The following ZNF527 variants were observed in gnomAD, a reference collection of about 807,000 sequenced individuals.
ZNF527 encodes zinc finger protein 527.
A neutral mutation model predicts 13.5 loss-of-function variants in ZNF527; 5 were observed. The ratio of observed to expected loss-of-function variants is 0.37; its 90% confidence interval spans 0.19 to 0.78. The LOEUF is 0.78. Among genes scored for constraint, ZNF527 ranks in the 30% least tolerant of loss-of-function variants. ZNF527 has a pLI of 0.48. For missense variants in ZNF527, 628 were observed against 726.4 expected (o/e 0.86, Z 1.56); for synonymous variants, 209 against 243.1 (o/e 0.86, Z 1.30).
At chr19:37,386,060 G>A (rs749589959) in intron 4 of ZNF527, among the ~76,000 whole-genome samples, 4 of 145,486 alleles carry the variant, frequency 2.7e-5, no homozygotes, top group South Asian at 2.2e-4. Flanking sequence ...TTGTTTCCTC[G>A]TTTACCATAA....
chr19:37,387,758 A>G (rs2146822801), intron 4 of ZNF527, among the ~76,000 whole-genome samples: 1 of 152,346 alleles, frequency 6.6e-6, no homozygotes, highest in East Asian at 1.9e-4. Flanking sequence ...CTGGACCCTG[A>G]TAAAAATCTT....
Position 37,388,811 on chromosome 19 carries a change from C to CT in ZNF527, c.764dup (p.Leu255PhefsTer24), listed in dbSNP as rs1568698098. The CT allele has an allele frequency of 6.2e-7, 1 of 1,613,228 alleles. No homozygotes were observed. The highest frequency in any genetic ancestry group is 8.5e-7 in the Non-Finnish European group (1 of 1,179,838). ...ATGAAAGTCATGATTTTTCAAAGCTCTTAAGTTTCCACTCATTATTTACTC... is the reference window on the plus strand; with the variant it reads ...ATGAAAGTCATGATTTTTCAAAGCTCTTTAAGTTTCCACTCATTATTTACTC... On this transcript the variant is annotated frameshift_variant, in exon 5 of 5. Transcript: ENST00000436120. LOFTEE classifies it low-confidence loss of function (END_TRUNC).
chr19:37,388,614 C>CA lies in ZNF527; in HGVS notation c.567dup (p.Val190SerfsTer3). The CA allele has an allele frequency of 6.2e-7, 1 of 1,613,904 alleles. No homozygotes were observed. The highest frequency in any genetic ancestry group is 1.1e-5 in the South Asian group (1 of 91,064). On this transcript the variant is annotated frameshift_variant, in exon 5 of 5. Transcript: ENST00000436120. LOFTEE classifies it low-confidence loss of function (END_TRUNC). Reference sequence around the variant, plus strand: ...ACAACAGAAAGTTCCTACCATACAGCAAGTACATAAATTTGATATTTATGA... The same window carrying CA: ...ACAACAGAAAGTTCCTACCATACAGCAAAGTACATAAATTTGATATTTATGA...
chr19:37,375,302 CTTTCTTTCTTTT>C (rs1222844182), intron 2 of ZNF527, among the ~76,000 whole-genome samples: 96 of 104,570 alleles, frequency 9.2e-4, no homozygotes, highest in African/African-American at 1.5e-3. Flanking sequence ...TTCTTTCTTT[CTTTCTTTCTTTT>C]CTTTCTTTCT....
Position 37,390,012 on chromosome 19 carries a change from G to A in ZNF527, c.*133G>A. 1 of 1,174,330 alleles carries A rather than the reference G, an allele frequency of 8.5e-7. No individual in the cohort carries two copies. The highest frequency in any genetic ancestry group is 1.6e-5 in the African/African-American group (1 of 64,012). 72.7% of individuals were successfully genotyped at this position (1,174,330 alleles called of 1,614,324 possible). A position where few individuals can be genotyped will look rare whatever the true frequency, so the allele number is the denominator to read the frequency against. The stretch of plus-strand genomic sequence containing the variant: ...TCATGAGTATCCGTTATTTGAAGTA[G>A]CTCAGTAGTAGACATCTGTTACTTT... On this transcript the variant is annotated 3_prime_UTR_variant, in exon 5 of 5. Coordinates refer to ENST00000436120, the MANE Select transcript of ZNF527 (RefSeq NM_032453.2).
At position 37,389,692 on chromosome 19, in the gene ZNF527, A is replaced by G. The variant is rs1302446670; in HGVS notation, c.1643A>G (p.His548Arg). The G allele has an allele frequency of 2.5e-6, 4 of 1,614,128 alleles. No homozygotes were observed. The highest frequency in any genetic ancestry group is 1.1e-5 in the South Asian group (1 of 91,084). Residue 548 changes from histidine to arginine, a missense_variant, in exon 5 of 5, where the codon CAT (histidine) becomes CGT (arginine). His to Arg is a conservative substitution (Grantham distance 29, BLOSUM62 0). Coordinates refer to ENST00000436120, the MANE Select transcript of ZNF527 (RefSeq NM_032453.2). ...TATCTTAATCAACATCAAAGAATTC[A>G]TACTGGAGAGAAACCCTATGAATGT... ...GSYLNQHQRIHTGEKPYECSE... is the reference protein window; with the variant it reads ...GSYLNQHQRIRTGEKPYECSE...
intron 4 of ZNF527, among the ~76,000 whole-genome samples, chr19:37,384,009 G>T (rs2040676508): frequency 6.6e-6 from 1 of 151,714 alleles, no homozygotes; most frequent in Non-Finnish European, 1.5e-5. Context: ...ATATTTTCTG[G>T]GTTTTATAGT....
intron 1 of ZNF527, among the ~76,000 whole-genome samples, 199 bp from the exon 2 acceptor site, chr19:37,373,959 A>G (rs1386408021): frequency 2.6e-5 from 4 of 152,148 alleles, no homozygotes; most frequent in African/African-American, 9.7e-5. Context: ...AGTTCAGGCT[A>G]TGCGTCCTTA....
chr19:37,388,942 G>A lies in ZNF527; in HGVS notation c.893G>A (p.Gly298Glu), dbSNP rs761442584. 6.3e-7 allele frequency: 1 copy of A among 1,594,064 alleles called. No individual in the cohort carries two copies. ...ACTCAACCTCAGAGAATTCACAGTG[G>A]AGAAAAACCATATGCATGCAATGAC... ...FFTQPQRIHS[G>E]EKPYACNDCG... Residue 298 changes from glycine (G) to glutamate (E), a missense_variant, in exon 5 of 5, where the codon GGA becomes GAA. Transcript: ENST00000436120.
Position 37,384,766 on chromosome 19 carries a change from G to A in ZNF527, c.257-3540G>A, listed in dbSNP as rs971340064. On this transcript the variant is annotated intron_variant, in intron 4 of 4. Coordinates refer to ENST00000436120, the MANE Select transcript of ZNF527 (RefSeq NM_032453.2). Reference sequence around the variant, plus strand: ...ATGCTGTTATGGTTTTAATTTACTAGTGATATTATTGAGCATCTTTCCAGG... The same window carrying A: ...ATGCTGTTATGGTTTTAATTTACTAATGATATTATTGAGCATCTTTCCAGG... 7.6e-6 allele frequency: 4 copies of A among 522,918 alleles called. No homozygotes were observed. The East Asian group carries it at 8.9e-5, about 12-fold the overall frequency. The allele number at this position is 522,918 out of a possible 1,614,324, so 32.4% of individuals were successfully genotyped here.
chr19:37,380,129 C>T, intron 3 of ZNF527, 148 bp from the exon 4 acceptor site: 1 of 1,400,758 alleles, frequency 7.1e-7, no homozygotes, highest in Non-Finnish European at 9.3e-7. Context: ...ATACAAGCGT[C>T]ATTCCATTCT....
rs1467657695 is a variant in ZNF527 at position 37,388,878 on chromosome 19, G to A, written c.829G>A (p.Asp277Asn). 6.8e-6 allele frequency: 11 copies of A among 1,614,026 alleles called. No homozygotes were observed. The highest frequency in any genetic ancestry group is 4.5e-5 in the East Asian group (2 of 44,888). Residue 277 changes from aspartate (D) to asparagine (N), a missense_variant, in exon 5 of 5, where the codon GAT becomes AAT. By Grantham distance (23) the Asp-to-Asn change is conservative. Coordinates refer to ENST00000436120, the MANE Select transcript of ZNF527 (RefSeq NM_032453.2). ...TTTTGGAAAATTACCCCATGGATAC[G>A]ATGAATGTGGTGATGCCTTTAGCTG... ...THFGKLPHGY[D>N]ECGDAFSCYS...
chr19:37,374,240 GCTCTTTCA>G lies in ZNF527; in HGVS notation c.33+12_33+19del. The G allele has an allele frequency of 1.2e-6, 2 of 1,613,988 alleles. No individual in the cohort carries two copies. Among genetic ancestry groups the G allele is most frequent in the Non-Finnish European group, 1.7e-6 (2 of 1,179,924 alleles). ...GTAAAGCCATGTCCCAGGTAAGCATGCTCTTTCACTTTGTTTTCAGACATTTGACCTCA... is the reference window on the plus strand; with the variant it reads ...GTAAAGCCATGTCCCAGGTAAGCATGCTTTGTTTTCAGACATTTGACCTCA... On this transcript the variant is annotated intron_variant, in intron 2 of 4. Coordinates refer to ENST00000436120, the MANE Select transcript of ZNF527 (RefSeq NM_032453.2).
intron 4 of ZNF527, chr19:37,385,379 TGTAA>T (rs1426490157): frequency 2.5e-6 from 1 of 399,488 alleles, no homozygotes; most frequent in African/African-American, 2.1e-5. Flanking sequence ...TTTTTAATGC[TGTAA>T]GTGTGTTTCT....
chr19:37,390,636 AAC>A lies in ZNF527; in HGVS notation c.*759_*760del, dbSNP rs2040744770. 1 of 152,204 alleles carries A rather than the reference AAC, an allele frequency of 6.6e-6. No homozygotes were observed. The highest frequency in any genetic ancestry group is 6.5e-5 in the Admixed American group (1 of 15,278). The allele number at this position is 152,204 out of a possible 1,614,324, so 9.4% of individuals were successfully genotyped here. ...GGAAAGCTTTCCCAAAGAGAAATCTAACAGAGGAAAATGGAGATGAGAGACAG... is the reference window on the plus strand; with the variant it reads ...GGAAAGCTTTCCCAAAGAGAAATCTAAGAGGAAAATGGAGATGAGAGACAG... On this transcript the variant is annotated 3_prime_UTR_variant, in exon 5 of 5. Coordinates refer to ENST00000436120, the MANE Select transcript of ZNF527 (RefSeq NM_032453.2).
In ZNF527 at chr19:37,390,033, AC is replaced by A; in HGVS notation, c.*155del. On this transcript the variant is annotated 3_prime_UTR_variant, in exon 5 of 5. Coordinates refer to ENST00000436120, the MANE Select transcript of ZNF527 (RefSeq NM_032453.2). ...AGTAGCTCAGTAGTAGACATCTGTT[AC>A]TTTTTTTTTTTTCAGACAGAGTCTC... The A allele has an allele frequency of 1.1e-6, 1 of 912,212 alleles. No individual in the cohort carries two copies. Among genetic ancestry groups the A allele is most frequent in the Non-Finnish European group, 1.5e-6 (1 of 665,766 alleles). 56.5% of individuals were successfully genotyped at this position (912,212 alleles called of 1,614,324 possible).
intron 2 of ZNF527, among the ~76,000 whole-genome samples, chr19:37,375,542 A>G (rs1362989754): frequency 6.6e-6 from 1 of 151,176 alleles, no homozygotes; most frequent in East Asian, 1.9e-4. Flanking sequence ...TTGTATTTTT[A>G]GTAGAGATGG....
At position 37,386,140 on chromosome 19, in the gene ZNF527, CTTTTTT is replaced by C. The variant is rs1050024983; in HGVS notation, c.257-2149_257-2144del. ...TAGAACTTTCTTTTCTCTTCTTTTC[CTTTTTT>C]TTTTTTTTTTTTTTTTGAGACAGTC... On this transcript the variant is annotated intron_variant, in intron 4 of 4. Transcript: ENST00000436120. 1.5e-4 allele frequency among the ~76,000 whole-genome samples: 11 copies of C among 72,464 alleles called. No homozygotes were observed. In the East Asian group the frequency reaches 2.2e-3, roughly 15 times the overall value. 47.5% of individuals were successfully genotyped at this position (72,464 alleles called of 152,430 possible).
At chr19:37,376,392 G>A (rs1166933617) in intron 2 of ZNF527, among the ~76,000 whole-genome samples, 1 of 151,896 alleles carries the variant, frequency 6.6e-6, no homozygotes, top group Admixed American at 6.6e-5. Context: ...AAAAGGCTAG[G>A]TGCAGTGGCT....
Sources: gnomAD v4.1 joint callset for allele counts (sites outside exome capture counted in the v4.1 genomes callset) on GRCh38, gnomAD v4.1.1 for gene constraint, MANE v1.5 for transcripts, NCBI Gene and HGNC (gene_info 2026-07-23, HGNC 2026-07-21) for gene names.